The following CACNB2 variants were observed in gnomAD, a reference collection of about 807,000 sequenced individuals.
The protein encoded by CACNB2 is voltage-dependent L-type calcium channel subunit beta-2.
CACNB2 carries 42 observed loss-of-function variants against 73.3 expected under a neutral mutation model. That is an observed-to-expected ratio of 0.57 (90% CI 0.45 to 0.74). The LOEUF is 0.74. Among genes scored for constraint, CACNB2 ranks in the 30% least tolerant of loss-of-function variants. The pLI is 0.00. For synonymous variants in CACNB2, 348 were observed against 310.3 expected (o/e 1.12, Z -1.28); for missense variants, 940 against 853.0 (o/e 1.10, Z -1.27).
chr10:18,482,862 G>A (rs191060699), intron 3 of CACNB2, among the ~76,000 whole-genome samples: 1 of 152,270 alleles, frequency 6.6e-6, no homozygotes, highest in Admixed American at 6.5e-5. Context: ...TATTCTCAGA[G>A]TTTATTTGTA....
chr10:18,223,075 G>T (rs1278361993), intron 2 of CACNB2, among the ~76,000 whole-genome samples: 1 of 152,116 alleles, frequency 6.6e-6, no homozygotes, highest in Non-Finnish European at 1.5e-5. Context: ...AGGCTTTCTG[G>T]TTTGCTGTCA....
intron 2 of CACNB2, among the ~76,000 whole-genome samples, chr10:18,343,046 T>C (rs1344860195): frequency 2.0e-5 from 3 of 152,214 alleles, no homozygotes; most frequent in Non-Finnish European, 2.9e-5. Flanking sequence ...ATTCTCATTG[T>C]GCATTAAAAT....
chr10:18,286,800 C>T (rs79336317), intron 2 of CACNB2, among the ~76,000 whole-genome samples: 1 of 152,194 alleles, frequency 6.6e-6, no homozygotes, highest in Middle Eastern at 3.4e-3. Context: ...GCTGTTATCA[C>T]TGTGGCTTGT....
rs2053587888 is a variant in CACNB2 at position 18,536,275 on chromosome 10, G to GTTTTTT, written c.1302+79_1302+80insTTTTTT. On this transcript the variant is annotated intron_variant, in intron 12 of 13. Transcript: ENST00000324631. ...TTTTTTTTTTTTTTTTTTTTTTTTG[G>GTTTTTT]GGGACAAGGTCTTGCTCTGTTGCCC... 6.5e-3 allele frequency: 604 copies of GTTTTTT among 92,462 alleles called. 138 individuals are homozygous for GTTTTTT. The highest frequency in any genetic ancestry group is 0.029 in the African/African-American group (290 of 10,134). 5.7% of individuals were successfully genotyped at this position (92,462 alleles called of 1,614,324 possible).
intron 1 of CACNB2, chr10:18,141,348 GAATA>G: frequency 1.2e-6 from 1 of 815,288 alleles, no homozygotes; most frequent in Non-Finnish European, 2.1e-6. Context: ...GGAGGGGAGC[GAATA>G]TGGGGGTGCC....
intron 2 of CACNB2, among the ~76,000 whole-genome samples, chr10:18,262,981 T>G (rs896615012): frequency 1.3e-5 from 2 of 152,216 alleles, no homozygotes; most frequent in African/African-American, 4.8e-5. Flanking sequence ...TACCCTGTAT[T>G]TTGAATAAAG....
intron 6 of CACNB2, among the ~76,000 whole-genome samples, chr10:18,512,225 G>A (rs997991935): frequency 2.0e-5 from 3 of 152,116 alleles, no homozygotes; most frequent in South Asian, 4.1e-4. Flanking sequence ...TTGGGTCCTC[G>A]TGCCCTTCCA....
At chr10:18,423,114 C>T (rs1276956555) in intron 3 of CACNB2, among the ~76,000 whole-genome samples, 1 of 147,188 alleles carries the variant, frequency 6.8e-6, no homozygotes, top group Admixed American at 6.9e-5. Context: ...TGGAGGTCAT[C>T]ATATTTTGCC....
intron 6 of CACNB2, 118 bp from the exon 7 acceptor site, chr10:18,514,118 G>A: frequency 9.8e-7 from 1 of 1,022,800 alleles, no homozygotes; most frequent in Non-Finnish European, 1.5e-6. Context: ...TGCGTACTGT[G>A]TTGAGCACTC....
At chr10:18,529,745 A>G (rs902792966) in intron 10 of CACNB2, among the ~76,000 whole-genome samples, 2 of 152,228 alleles carry the variant, frequency 1.3e-5, no homozygotes, top group Non-Finnish European at 2.9e-5. Context: ...GCTTATTTCT[A>G]TTAGTCTGTT....
At chr10:18,379,172 T>G (rs538287973) in intron 2 of CACNB2, among the ~76,000 whole-genome samples, 8 of 152,340 alleles carry the variant, frequency 5.3e-5, no homozygotes, top group Middle Eastern at 3.4e-3. Context: ...ATACATAATA[T>G]AAAATTTGCC....
chr10:18,429,727 C>T (rs2045785063), intron 3 of CACNB2, among the ~76,000 whole-genome samples: 1 of 131,386 alleles, frequency 7.6e-6, no homozygotes, highest in Admixed American at 8.4e-5. Flanking sequence ...CCCAGGTACT[C>T]AGGAAGCTGG....
intron 2 of CACNB2, among the ~76,000 whole-genome samples, chr10:18,312,192 T>C (rs557365852): frequency 3.5e-4 from 54 of 152,306 alleles, no homozygotes; most frequent in African/African-American, 1.3e-3. Flanking sequence ...TAATAAAGTA[T>C]ATAAAATTCA....
At chr10:18,155,871 A>AGG (rs2032002494) in intron 2 of CACNB2, among the ~76,000 whole-genome samples, 2 of 112,426 alleles carry the variant, frequency 1.8e-5, no homozygotes, top group Non-Finnish European at 3.7e-5. Context: ...AATGAGAGAG[A>AGG]GAGGGAGAGA....
At chr10:18,222,831 G>C (rs898381151) in intron 2 of CACNB2, among the ~76,000 whole-genome samples, 5 of 152,188 alleles carry the variant, frequency 3.3e-5, no homozygotes, top group Admixed American at 6.5e-5. Flanking sequence ...CAGCTACTTG[G>C]GAGGCTGAGG....
intron 6 of CACNB2, among the ~76,000 whole-genome samples, chr10:18,507,302 G>A (rs1256232683): frequency 6.6e-6 from 1 of 152,186 alleles, no homozygotes; most frequent in Non-Finnish European, 1.5e-5. Context: ...AAGTTCTGTG[G>A]AAGACACAGA....
At chr10:18,299,711 AAAAAAT>A (rs1042466043) in intron 2 of CACNB2, among the ~76,000 whole-genome samples, 1 of 152,168 alleles carries the variant, frequency 6.6e-6, no homozygotes. Flanking sequence ...ACCCTGTCTC[AAAAAAT>A]AAAAATAAAA....
chr10:18,352,052 G>A (rs928907550), intron 2 of CACNB2, among the ~76,000 whole-genome samples: 3 of 152,192 alleles, frequency 2.0e-5, no homozygotes, highest in African/African-American at 7.2e-5. Flanking sequence ...ATTTTGACAG[G>A]TCTATTTCTT....
At chr10:18,488,474 CAAAAAAAAAAAAAA>C (rs59931967) in intron 3 of CACNB2, among the ~76,000 whole-genome samples, 1,875 of 68,176 alleles carry the variant, frequency 0.028, 60 homozygotes, top group African/African-American at 0.086. Context: ...GACTCCATCT[CAAAAAAAAAAAAAA>C]AAAAAAAAAA....
Sources: gnomAD v4.1 joint callset for allele counts (sites outside exome capture counted in the v4.1 genomes callset) on GRCh38, gnomAD v4.1.1 for gene constraint, MANE v1.5 for transcripts, NCBI Gene and HGNC (gene_info 2026-07-23, HGNC 2026-07-21) for gene names.